Variants in TSFM observed in about 807,000 individuals in gnomAD.
TSFM encodes elongation factor Ts, mitochondrial.
TSFM carries 29 observed loss-of-function variants against 33.4 expected under a neutral mutation model. The ratio of observed to expected loss-of-function variants is 0.87; its 90% CI spans 0.65 to 1.18. The LOEUF is 1.18. Among genes scored for constraint, TSFM ranks in the 50% most tolerant of loss-of-function variants. TSFM has a pLI of 0.00. For synonymous variants in TSFM, 178 were observed against 163.5 expected (o/e 1.09, Z -0.68); for missense variants, 394 against 395.6 (o/e 1.00, Z 0.04).
downstream of TSFM, chr12:57,802,789 G>A: frequency 1.7e-6 from 1 of 577,336 alleles, no homozygotes; most frequent in Non-Finnish European, 3.1e-6. Context: ...TGAGTCACCA[G>A]GGCTGACCAA....
In TSFM at chr12:57,793,074, G is replaced by C. The variant is rs750371292; in HGVS notation, c.571+1G>C. On this transcript the variant is annotated splice_donor_variant, in intron 5 of 5. Coordinates refer to ENST00000652027, the MANE Select transcript of TSFM (RefSeq NM_005726.6). LOFTEE classifies it high-confidence loss of function. Reference sequence around the variant, plus strand: ...AAGGATCAGTTGGCTTTAGCAATTGGTGAGTATTTGTAAAGGTTCTGGAAA... The same window carrying C: ...AAGGATCAGTTGGCTTTAGCAATTGCTGAGTATTTGTAAAGGTTCTGGAAA... 2 of 1,612,528 alleles carry C rather than the reference G, an allele frequency of 1.2e-6. No individual in the cohort carries two copies. The highest frequency in any genetic ancestry group is 2.2e-5 in the East Asian group (1 of 44,858).
chr12:57,783,892 A>C, intron 2 of TSFM: 1 of 695,070 alleles, frequency 1.4e-6, no homozygotes, highest in South Asian at 1.5e-5. Flanking sequence ...GTGGGATTAC[A>C]GGAGTGAGCC....
chr12:57,784,056 C>T lies in TSFM; in HGVS notation c.231+773C>T, dbSNP rs1415527245. 8.5e-6 allele frequency: 6 copies of T among 702,736 alleles called. No individual in the cohort carries two copies. In the Admixed American group the frequency reaches 1.0e-4, roughly 12 times the overall value. The allele number at this position is 702,736 out of a possible 1,614,324, so 43.5% of individuals were successfully genotyped here. The stretch of plus-strand genomic sequence containing the variant: ...CACATCATAGAGTACCTACACAAAC[C>T]TAGATGGTATATTGTACTACAACCT... On this transcript the variant is annotated intron_variant, in intron 2 of 5. Transcript: ENST00000652027.
At chr12:57,786,755 G>A (rs1955596269) in intron 3 of TSFM, among the ~76,000 whole-genome samples, 1 of 152,150 alleles carries the variant, frequency 6.6e-6, no homozygotes, top group Non-Finnish European at 1.5e-5. Context: ...AGGTGATGAT[G>A]GTGTGCAGAC....
intron 2 of TSFM, chr12:57,784,025 C>A (rs1955554653): frequency 1.4e-6 from 1 of 702,792 alleles, no homozygotes; most frequent in Admixed American, 2.0e-5. Flanking sequence ...GAGATTTTGG[C>A]TTATGCACAT....
At chr12:57,786,326 C>G (rs1955590945) in intron 3 of TSFM, 35 bp downstream of exon 3, 2 of 1,600,226 alleles carry the variant, frequency 1.2e-6, no homozygotes, top group East Asian at 4.5e-5. Flanking sequence ...CCAAGAACAG[C>G]TGTCCCTTGG....
intron 4 of TSFM, among the ~76,000 whole-genome samples, chr12:57,791,305 C>T (rs1021430024): frequency 5.3e-5 from 8 of 152,254 alleles, no homozygotes; most frequent in South Asian, 2.1e-4. Context: ...CCACCGCGCC[C>T]GGCCGGCCAG....
At chr12:57,785,282 C>T (rs1007796818) in intron 2 of TSFM, among the ~76,000 whole-genome samples, 2 of 152,146 alleles carry the variant, frequency 1.3e-5, no homozygotes, top group African/African-American at 4.8e-5. Context: ...CAAACACATA[C>T]ATTAGCCTAG....
intron 2 of TSFM, among the ~76,000 whole-genome samples, chr12:57,784,485 C>G (rs1159131912): frequency 6.6e-6 from 1 of 152,124 alleles, no homozygotes; most frequent in East Asian, 1.9e-4. Flanking sequence ...AATTTTTGGA[C>G]TCTTTTGTAA....
chr12:57,797,920 T>G (rs1398067533), downstream of TSFM: 1 of 1,612,562 alleles, frequency 6.2e-7, no homozygotes, highest in Non-Finnish European at 8.5e-7. Context: ...TGGAGCTGTT[T>G]CCAGCCAGGC....
chr12:57,790,060 CTTTTTTTT>C (rs35382401), intron 4 of TSFM, among the ~76,000 whole-genome samples: 1 of 105,440 alleles, frequency 9.5e-6, no homozygotes, highest in African/African-American at 3.6e-5. Flanking sequence ...TTCTTTCTTT[CTTTTTTTT>C]TTTTTTTTTT....
Position 57,786,910 on chromosome 12 carries a change from T to C in TSFM, c.361-130T>C, listed in dbSNP as rs941348010. ...GGAGAGGAAGCGTAGCTTTAAAATT[T>C]TGGAGTCATTTTTTTTCCGTTGAGT... On this transcript the variant is annotated intron_variant, in intron 3 of 5. Coordinates refer to ENST00000652027, the MANE Select transcript of TSFM (RefSeq NM_005726.6). The C allele has an allele frequency of 7.0e-6, 7 of 999,848 alleles. No individual in the cohort carries two copies. The African/African-American group carries it at 8.1e-5, about 12-fold the overall frequency. The allele number at this position is 999,848 out of a possible 1,614,324, so 61.9% of individuals were successfully genotyped here. A position where few individuals can be genotyped will look rare whatever the true frequency, so the allele number is the denominator to read the frequency against.
chr12:57,796,003 A>G (rs981222828), intron 5 of TSFM, among the ~76,000 whole-genome samples, 174 bp from the exon 6 acceptor site: 2 of 151,872 alleles, frequency 1.3e-5, no homozygotes, highest in Non-Finnish European at 2.9e-5. Flanking sequence ...CCTGCCCCAT[A>G]CCCCTTTTCC....
At chr12:57,791,008 A>ATTT (rs761448648) in intron 4 of TSFM, among the ~76,000 whole-genome samples, 1 of 132,138 alleles carries the variant, frequency 7.6e-6, no homozygotes, top group Non-Finnish European at 1.6e-5. Context: ...ACTGGGCCAG[A>ATTT]TTTTTTTTTT....
intron 4 of TSFM, among the ~76,000 whole-genome samples, chr12:57,788,397 C>G (rs1955617184): frequency 6.6e-6 from 1 of 151,970 alleles, no homozygotes; most frequent in Non-Finnish European, 1.5e-5. Context: ...CTGCATCAGA[C>G]TCCCGAGTAG....
chr12:57,787,286 C>A, intron 4 of TSFM, 124 bp downstream of exon 4: 2 of 1,028,834 alleles, frequency 1.9e-6, no homozygotes, highest in Non-Finnish European at 2.7e-6. Flanking sequence ...AATGCTATCT[C>A]TTTGCATAGA....
At chr12:57,802,734 C>A, downstream of TSFM, 1 of 597,220 alleles carries the variant, frequency 1.7e-6, no homozygotes, top group East Asian at 2.8e-5. Flanking sequence ...ATCTAGTCAC[C>A]TAAGGCAGAA....
At chr12:57,785,150 TCTC>T (rs775219858) in intron 2 of TSFM, among the ~76,000 whole-genome samples, 5 of 152,000 alleles carry the variant, frequency 3.3e-5, no homozygotes, top group Non-Finnish European at 7.4e-5. Flanking sequence ...ATGGTCTCGA[TCTC>T]CTGACCTTGT....
At chr12:57,789,455 C>T (rs1259637600) in intron 4 of TSFM, among the ~76,000 whole-genome samples, 4 of 152,148 alleles carry the variant, frequency 2.6e-5, no homozygotes, top group African/African-American at 9.7e-5. Context: ...CCTTCACCTC[C>T]TGGGTTCGAG....
Sources: allele counts gnomAD v4.1 joint callset (sites outside exome capture counted in the v4.1 genomes callset), GRCh38; gene constraint gnomAD v4.1.1; transcripts MANE v1.5; gene names NCBI Gene and HGNC (gene_info 2026-07-23, HGNC 2026-07-21).